The following ANAPC1 variants were observed in gnomAD, a reference collection of about 807,000 sequenced individuals.
ANAPC1 encodes anaphase-promoting complex subunit 1.
Under a neutral mutation model 208.0 loss-of-function variants are expected in ANAPC1, and 36 were observed. The observed-to-expected ratio is 0.17, with a 90% CI of 0.13 to 0.23. The LOEUF (loss-of-function observed/expected upper bound fraction) is 0.23. Ranked by LOEUF, ANAPC1 falls within the 10% of genes least tolerant of loss-of-function variation. ANAPC1 has a pLI of 1.00. For synonymous variants in ANAPC1, 378 were observed against 695.2 expected, an observed-to-expected ratio of 0.54 and a Z score of 7.18; for missense variants, 942 against 2,011.6, an observed-to-expected ratio of 0.47 and a Z score of 10.17.
chr2:111,853,586 G>C (rs571762401), intron 13 of ANAPC1, among the ~76,000 whole-genome samples: 4 of 151,814 alleles, frequency 2.6e-5, no homozygotes, highest in Non-Finnish European at 5.9e-5. Context: ...CTGAAGTTTT[G>C]AGCCCCTCAA....
chr2:111,876,383 A>G (rs1160346247), intron 3 of ANAPC1, among the ~76,000 whole-genome samples: 1 of 152,244 alleles, frequency 6.6e-6, no homozygotes, highest in African/African-American at 2.4e-5. Flanking sequence ...CATATTAGCA[A>G]GAAGATTAAG....
At chr2:111,775,092 C>G (rs1676935070) in intron 46 of ANAPC1, among the ~76,000 whole-genome samples, 1 of 152,046 alleles carries the variant, frequency 6.6e-6, no homozygotes, top group Non-Finnish European at 1.5e-5. Flanking sequence ...ATGGTGAAAC[C>G]CCGTCTCTAC....
At chr2:111,794,971 A>G (rs1246003378) in intron 34 of ANAPC1, 77 bp from the exon 35 acceptor site, 2 of 1,233,100 alleles carry the variant, frequency 1.6e-6, no homozygotes, top group African/African-American at 3.0e-5. Context: ...AGAATAACAT[A>G]CTGCTTATCA....
chr2:111,856,911 C>T (rs1177319986), intron 11 of ANAPC1, 25 bp from the exon 12 acceptor site: 3 of 1,582,972 alleles, frequency 1.9e-6, no homozygotes, highest in Non-Finnish European at 1.7e-6. Context: ...AAAAAAGAAA[C>T]TTGATACATG....
In ANAPC1 at chr2:111,865,004, G is replaced by C. The variant is rs184009591; in HGVS notation, c.686-53C>G. 6.8e-5 allele frequency: 105 copies of C among 1,532,942 alleles called. No homozygotes were observed. In the African/African-American group the frequency reaches 1.4e-3, roughly 20 times the overall value. 95.0% of individuals were successfully genotyped at this position (1,532,942 alleles called of 1,614,324 possible). A position where few individuals can be genotyped will look rare whatever the true frequency, so the allele number is the denominator to read the frequency against. On this transcript the variant is annotated intron_variant, in intron 7 of 47. Transcript: ENST00000341068. ...ATAGAACAATGGGCTTTACAAGACT[G>C]ATATTTATGAACAGAGCTCTTAAAA...
At position 111,851,425 on chromosome 2, in the gene ANAPC1, C is replaced by A. The variant is rs953175160; in HGVS notation, c.1516-515G>T. On this transcript the variant is annotated intron_variant, in intron 13 of 47. Coordinates refer to ENST00000341068, the MANE Select transcript of ANAPC1 (RefSeq NM_022662.4). The stretch of plus-strand genomic sequence containing the variant: ...CTTCATTACTGAAGACTTTTTTTTG[C>A]AGGCAAGGAGAGGAATGTTAATATA... Among the ~76,000 whole-genome samples, 12 of 150,934 alleles carry A rather than the reference C, an allele frequency of 8.0e-5. No homozygotes were observed. In the East Asian group the frequency reaches 2.3e-3, roughly 29 times the overall value.
At chr2:111,771,826 T>C (rs1358812743) in intron 47 of ANAPC1, among the ~76,000 whole-genome samples, 1 of 151,842 alleles carries the variant, frequency 6.6e-6, no homozygotes, top group African/African-American at 2.4e-5. Flanking sequence ...TTAGAATTCA[T>C]CATATCTTAG....
intron 7 of ANAPC1, among the ~76,000 whole-genome samples, chr2:111,867,059 G>C (rs1268111751): frequency 1.3e-5 from 2 of 152,132 alleles, no homozygotes; most frequent in South Asian, 2.1e-4. Context: ...GGGAGGCCGA[G>C]GTGGGTGGAT....
intron 13 of ANAPC1, among the ~76,000 whole-genome samples, chr2:111,851,893 A>G (rs994767299): frequency 1.3e-5 from 2 of 152,148 alleles, no homozygotes; most frequent in East Asian, 3.9e-4. Context: ...AAAAACAGAA[A>G]TTCACATCTG....
chr2:111,831,836 A>C (rs1467614021), intron 20 of ANAPC1, among the ~76,000 whole-genome samples: 1 of 139,286 alleles, frequency 7.2e-6, no homozygotes, highest in Non-Finnish European at 1.5e-5. Context: ...CAAAAAAAAA[A>C]AAAAAAAAAA....
chr2:111,783,107 C>T (rs1293600054), intron 42 of ANAPC1, among the ~76,000 whole-genome samples: 3 of 151,912 alleles, frequency 2.0e-5, no homozygotes, highest in Non-Finnish European at 4.4e-5. Context: ...ATATTATCTA[C>T]AATAATCTTA....
chr2:111,840,732 G>A (rs1019884450), intron 17 of ANAPC1, among the ~76,000 whole-genome samples: 2 of 152,240 alleles, frequency 1.3e-5, no homozygotes, highest in East Asian at 1.9e-4. Context: ...AATGTCACTC[G>A]GATACAATTG....
intron 1 of ANAPC1, among the ~76,000 whole-genome samples, chr2:111,883,434 C>T (rs972902381): frequency 5.3e-5 from 8 of 151,370 alleles, no homozygotes; most frequent in African/African-American, 1.9e-4. Flanking sequence ...AATGTTTTTA[C>T]TTGTTAGGTG....
intron 46 of ANAPC1, among the ~76,000 whole-genome samples, chr2:111,775,414 C>A (rs1245248636): frequency 2.0e-5 from 3 of 152,228 alleles, no homozygotes; most frequent in African/African-American, 7.2e-5. Flanking sequence ...TTTTTACACA[C>A]AAATATGAAT....
At position 111,784,576 on chromosome 2, in the gene ANAPC1, C is replaced by A. The variant is rs201506241; in HGVS notation, c.4918-176G>T. 4.0e-3 allele frequency among the ~76,000 whole-genome samples: 611 copies of A among 151,460 alleles called. 19 individuals carry two copies. The East Asian group carries it at 0.088, about 22-fold the overall frequency. On this transcript the variant is annotated intron_variant, in intron 40 of 47. Coordinates refer to ENST00000341068, the MANE Select transcript of ANAPC1 (RefSeq NM_022662.4). Reference sequence around the variant, plus strand: ...AAAGGACTGATGTCTAAATTCCTCACAGGGTATGTGTCCTTCCCATCACTT... The same window carrying A: ...AAAGGACTGATGTCTAAATTCCTCAAAGGGTATGTGTCCTTCCCATCACTT...
At chr2:111,782,535 A>G (rs763542979) in intron 42 of ANAPC1, 28 bp from the exon 43 acceptor site, 9 of 1,612,902 alleles carry the variant, frequency 5.6e-6, no homozygotes, top group Admixed American at 1.7e-5. Context: ...AATTTAATAT[A>G]AGGTATTACT....
intron 11 of ANAPC1, among the ~76,000 whole-genome samples, chr2:111,857,638 A>G (rs1435259303): frequency 6.6e-6 from 1 of 152,242 alleles, no homozygotes; most frequent in African/African-American, 2.4e-5. Context: ...GTGATTTCTT[A>G]AAAAGTTAAA....
intron 1 of ANAPC1, among the ~76,000 whole-genome samples, chr2:111,883,040 G>A (rs1488046422): frequency 6.6e-6 from 1 of 151,630 alleles, no homozygotes; most frequent in Admixed American, 6.6e-5. Flanking sequence ...GATGGCGGGC[G>A]CCTGTAATCC....
rs774709038 is a variant in ANAPC1 at position 111,872,617 on chromosome 2, A to T, written c.611+13T>A. 5 of 1,591,886 alleles carry T rather than the reference A, an allele frequency of 3.1e-6. No homozygotes were observed. In the African/African-American group the frequency reaches 6.7e-5, roughly 21 times the overall value. On this transcript the variant is annotated intron_variant, in intron 6 of 47. Transcript: ENST00000341068. ...CCCAAGCAGTAATATTCTGAAGTGAATAAAATGAATACCTGGGTGAACCTG... is the reference window on the plus strand; with the variant it reads ...CCCAAGCAGTAATATTCTGAAGTGATTAAAATGAATACCTGGGTGAACCTG...
Sources: gnomAD v4.1 joint callset for allele counts (sites outside exome capture counted in the v4.1 genomes callset) on GRCh38, gnomAD v4.1.1 for gene constraint, MANE v1.5 for transcripts, NCBI Gene and HGNC (gene_info 2026-07-23, HGNC 2026-07-21) for gene names.